Variants in AKT2 observed in about 807,000 individuals in gnomAD.
The protein encoded by AKT2 is AKT serine/threonine kinase 2, also known as RAC-beta serine/threonine-protein kinase.
Under a neutral mutation model 58.6 loss-of-function variants are expected in AKT2, and 16 were observed. The observed-to-expected ratio is 0.27, with a 90% confidence interval of 0.18 to 0.41. The LOEUF (loss-of-function observed/expected upper bound fraction) is 0.41, where lower values mean the gene tolerates loss of function less well. Among genes scored for constraint, AKT2 ranks in the 10% least tolerant of loss-of-function variants. The probability of loss-of-function intolerance (pLI) is 1.00; values close to 1 mark genes in which losing one functional copy is unlikely to be tolerated. For missense variants in AKT2, 438 were observed against 661.0 expected, an observed-to-expected ratio of 0.66 and a Z score of 3.70; for synonymous variants, 253 against 254.0, an observed-to-expected ratio of 1.00 and a Z score of 0.04.
At chr19:40,280,200 G>C (rs769032322) in intron 1 of AKT2, among the ~76,000 whole-genome samples, 12 of 152,240 alleles carry the variant, frequency 7.9e-5, no homozygotes, top group Admixed American at 2.0e-4. Context: ...AGCGGGTGCT[G>C]TCTGTATCAG....
In AKT2 at chr19:40,234,640, C is replaced by A; in HGVS notation, c.1366+405G>T. ...TGGCCTCCCACGCCCTAGCCCTGAC[C>A]ACTCCAGGCCGCCCACCCTACCTGG... On this transcript the variant is annotated intron_variant, in intron 13 of 13. Coordinates refer to ENST00000392038, the MANE Select transcript of AKT2 (RefSeq NM_001626.6). The surrounding 1 kb of genome is among the most constrained non-coding windows in gnomAD (Gnocchi z 4.7). 1 of 544,200 alleles carries A rather than the reference C, an allele frequency of 1.8e-6. No homozygotes were observed. The highest frequency in any genetic ancestry group is 3.2e-6 in the Non-Finnish European group (1 of 309,244). 33.7% of individuals were successfully genotyped at this position (544,200 alleles called of 1,614,324 possible). A position where few individuals can be genotyped will look rare whatever the true frequency, so the allele number is the denominator to read the frequency against.
intron 4 of AKT2, 46 bp downstream of exon 4, chr19:40,255,112 A>G (rs747777805): frequency 2.8e-6 from 4 of 1,446,782 alleles, no homozygotes; most frequent in African/African-American, 1.4e-5. Flanking sequence ...TCCTCACACC[A>G]GGCTTGCTCC....
chr19:40,235,505 T>A lies in AKT2; in HGVS notation c.1176-155A>T. On this transcript the variant is annotated intron_variant, in intron 11 of 13. Coordinates refer to ENST00000392038, the MANE Select transcript of AKT2 (RefSeq NM_001626.6). The surrounding 1 kb of genome is among the most constrained non-coding windows in gnomAD (Gnocchi z 6.3). Reference sequence around the variant, plus strand: ...GGAAACCGAGGCTCAGGGAGGGAGCTCACGTGCCCAGGGTCAGAGCCAGGG... The same window carrying A: ...GGAAACCGAGGCTCAGGGAGGGAGCACACGTGCCCAGGGTCAGAGCCAGGG... The A allele has an allele frequency of 1.3e-6, 1 of 765,964 alleles. No individual in the cohort carries two copies. The allele number at this position is 765,964 out of a possible 1,614,324, so 47.4% of individuals were successfully genotyped here.
rs183691860 is a variant in AKT2 at position 40,259,180 on chromosome 19, T to C, written c.47-2126A>G. Among the ~76,000 whole-genome samples the C allele has an allele frequency of 1.9e-3, 282 of 152,326 alleles. 2 individuals are homozygous for C. Among genetic ancestry groups the C allele is most frequent in the African/African-American group, 6.6e-3 (276 of 41,578 alleles). ...AACAGTTTCTTCAACAAAGAGACTA[T>C]ATTTTTTCAAAACGAAAGAAAAGAA... is the stretch of plus-strand genomic sequence containing the variant. On this transcript the variant is annotated intron_variant, in intron 2 of 13. Transcript: ENST00000392038.
chr19:40,251,300 C>T (rs541173597), intron 4 of AKT2, among the ~76,000 whole-genome samples: 81 of 152,310 alleles, frequency 5.3e-4, no homozygotes, highest in African/African-American at 1.9e-3. Context: ...TTTGTCACAA[C>T]TACTTAACCC....
At chr19:40,257,998 G>A (rs1047232386) in intron 2 of AKT2, among the ~76,000 whole-genome samples, 8 of 152,044 alleles carry the variant, frequency 5.3e-5, no homozygotes, top group Non-Finnish European at 4.4e-5. Flanking sequence ...TGTAATCCCG[G>A]CACTTTGGGA....
intron 1 of AKT2, among the ~76,000 whole-genome samples, chr19:40,266,971 A>T (rs1976403964): frequency 6.6e-6 from 1 of 152,102 alleles, no homozygotes; most frequent in Admixed American, 6.5e-5. Flanking sequence ...CAAAAAATAT[A>T]TAAATATGTA....
rs1057519754 is a variant in AKT2 at position 40,236,313 on chromosome 19, T to C, written c.904A>G (p.Ser302Gly). 6.2e-7 allele frequency: 1 copy of C among 1,614,170 alleles called. No homozygotes were observed. ...TDFGLCKEGISDGATMKTFCG... is the reference protein window; with the variant it reads ...TDFGLCKEGIGDGATMKTFCG... The stretch of plus-strand genomic sequence containing the variant: ...AAGGTTTTCATGGTGGCCCCGTCAC[T>C]GATGCCCTCTTTGCAGAGGCCAAAG... The change falls in exon 10 of 14, where the codon AGT becomes GGT. Residue 302 changes from serine to glycine, a missense_variant. Physicochemically the swap from Ser to Gly is moderately conservative, Grantham distance 56. Around this residue, in one of 3 missense-constraint regions of AKT2, gnomAD observed 46 missense variants for 114.5 expected, o/e 0.40. Transcript: ENST00000392038.
chr19:40,240,766 T>C (rs986524610), intron 6 of AKT2: 30 of 168,614 alleles, frequency 1.8e-4, no homozygotes, highest in African/African-American at 7.2e-4. Flanking sequence ...CACCTGAGAA[T>C]GTCTGAAGTC....
At position 40,242,404 on chromosome 19, in the gene AKT2, C is replaced by T; in HGVS notation, c.441+130G>A. ...GGGCACCTGCCACCTGAAATCACCC[C>T]ACCCTGCAGGGCAGCCTTGTCTCTC... On this transcript the variant is annotated intron_variant, in intron 5 of 13. Coordinates refer to ENST00000392038, the MANE Select transcript of AKT2 (RefSeq NM_001626.6). The surrounding 1 kb of genome is among the most constrained non-coding windows in gnomAD (Gnocchi z 4.3). 1.4e-6 allele frequency: 2 copies of T among 1,421,934 alleles called. No individual in the cohort carries two copies. Among genetic ancestry groups the T allele is most frequent in the South Asian group, 2.3e-5 (2 of 86,682 alleles). 88.1% of individuals were successfully genotyped at this position (1,421,934 alleles called of 1,614,324 possible).
intron 4 of AKT2, among the ~76,000 whole-genome samples, chr19:40,252,637 C>T (rs971462034): frequency 2.0e-5 from 3 of 152,180 alleles, no homozygotes; most frequent in African/African-American, 4.8e-5. Context: ...CTGAGCTCTC[C>T]AGCTTCGAGC....
Position 40,234,985 on chromosome 19 carries a change from C to A in AKT2, c.1366+60G>T. 1 of 1,442,872 alleles carries A rather than the reference C, an allele frequency of 6.9e-7. No homozygotes were observed. Among genetic ancestry groups the A allele is most frequent in the African/African-American group, 1.4e-5 (1 of 71,442 alleles). The allele number at this position is 1,442,872 out of a possible 1,614,324, so 89.4% of individuals were successfully genotyped here. The stretch of plus-strand genomic sequence containing the variant: ...CCCTCCTTGAGAAGTGAGTTAAGAG[C>A]AGATCCCATCCCTCCACCCCTGGGG... On this transcript the variant is annotated intron_variant, in intron 13 of 13. Transcript: ENST00000392038. This position sits in a 1 kb window ranked among gnomAD's most constrained non-coding sequence, Gnocchi z 4.7.
chr19:40,239,908 G>A lies in AKT2; in HGVS notation c.639+137C>T, dbSNP rs777201295. The stretch of plus-strand genomic sequence containing the variant: ...CACATGTCTTGGTTCGGATGACTTG[G>A]CAGGGCGCAGCAACACCTTGCCCTG... On this transcript the variant is annotated intron_variant, in intron 7 of 13. Coordinates refer to ENST00000392038, the MANE Select transcript of AKT2 (RefSeq NM_001626.6). 15 of 1,069,932 alleles carry A rather than the reference G, an allele frequency of 1.4e-5. No individual in the cohort carries two copies. In the South Asian group the frequency reaches 1.9e-4, roughly 13 times the overall value. 66.3% of individuals were successfully genotyped at this position (1,069,932 alleles called of 1,614,324 possible). A position where few individuals can be genotyped will look rare whatever the true frequency, so the allele number is the denominator to read the frequency against.
In AKT2 at chr19:40,242,206, G is replaced by A; in HGVS notation, c.442-137C>T. 7.8e-7 allele frequency: 1 copy of A among 1,280,318 alleles called. No individual in the cohort carries two copies. The highest frequency in any genetic ancestry group is 1.1e-6 in the Non-Finnish European group (1 of 908,568). The allele number at this position is 1,280,318 out of a possible 1,614,324, so 79.3% of individuals were successfully genotyped here. ...GGCTGGAGCAGGAAGGGAGGCTCTG[G>A]GCAGCAACTGTGTGTTCTGAAGCGG... On this transcript the variant is annotated intron_variant, in intron 5 of 13. Transcript: ENST00000392038. The surrounding 1 kb of genome is among the most constrained non-coding windows in gnomAD (Gnocchi z 4.3).
chr19:40,275,726 C>T (rs1281005485), intron 1 of AKT2, among the ~76,000 whole-genome samples: 4 of 137,302 alleles, frequency 2.9e-5, no homozygotes, highest in East Asian at 2.1e-4. Context: ...AGTCCGGGCA[C>T]GATGACTCAC....
intron 1 of AKT2, among the ~76,000 whole-genome samples, chr19:40,278,280 C>A (rs537465916): frequency 7.2e-5 from 11 of 152,320 alleles, no homozygotes; most frequent in Admixed American, 6.5e-4. Flanking sequence ...AATCCAATAA[C>A]CTCTCTATGC....
At chr19:40,257,178 G>A (rs1300393167) in intron 2 of AKT2, 124 bp from the exon 3 acceptor site, 1 of 1,302,180 alleles carries the variant, frequency 7.7e-7, no homozygotes, top group Non-Finnish European at 1.1e-6. Context: ...GGAGGTGCGG[G>A]GGACACACGA....
intron 1 of AKT2, chr19:40,284,886 C>G (rs2077485287): frequency 7.5e-6 from 2 of 267,030 alleles, no homozygotes; most frequent in Non-Finnish European, 1.4e-5. Context: ...CTGCCCGCCG[C>G]GCCCGAAAGG....
intron 1 of AKT2, among the ~76,000 whole-genome samples, chr19:40,277,363 C>A (rs576540873): frequency 6.6e-6 from 1 of 152,202 alleles, no homozygotes; most frequent in Non-Finnish European, 1.5e-5. Flanking sequence ...CCAAGGCCTT[C>A]GGACACCAGT....
Sources: allele counts gnomAD v4.1 joint callset (sites outside exome capture counted in the v4.1 genomes callset), GRCh38; gene constraint gnomAD v4.1.1; regional missense constraint gnomAD v4.1.1; non-coding constraint Gnocchi (gnomAD v3.1); transcripts MANE v1.5; gene names NCBI Gene and HGNC (gene_info 2026-07-23, HGNC 2026-07-21).